MTA3: variants seen among roughly 807,000 people sequenced by gnomAD.
MTA3 encodes the protein metastasis-associated protein MTA3.
A neutral mutation model predicts 83.5 loss-of-function variants in MTA3; 34 were observed. The ratio of observed to expected loss-of-function variants is 0.41; its 90% CI spans 0.31 to 0.54. MTA3 has a LOEUF of 0.54. Ranked by LOEUF, MTA3 falls within the 20% of genes least tolerant of loss-of-function variation. The pLI is 0.33. For synonymous variants in MTA3, 303 were observed against 252.7 expected (o/e 1.20, Z -1.89); for missense variants, 761 against 726.4 (o/e 1.05, Z -0.55).
intron 4 of MTA3, among the ~76,000 whole-genome samples, chr2:42,621,538 C>G (rs987634958): frequency 1.3e-5 from 2 of 152,250 alleles, no homozygotes; most frequent in African/African-American, 4.8e-5. Flanking sequence ...TCTTTCTACA[C>G]AGACACAGCA....
rs1228685180 is a variant in MTA3 at position 42,606,244 on chromosome 2, ACT to A, written c.191-3210_191-3209del. 4.7e-5 allele frequency among the ~76,000 whole-genome samples: 6 copies of A among 128,126 alleles called. No homozygotes were observed. In the South Asian group the frequency reaches 7.8e-4, roughly 17 times the overall value. 84.1% of individuals were successfully genotyped at this position (128,126 alleles called of 152,430 possible). On this transcript the variant is annotated intron_variant, in intron 3 of 16. Transcript: ENST00000405094. ...CGGACGGGGTGGCTGCCGGGCGGAG[ACT>A]CTCCTCACTTCCCAGATGGGGTGGC...
At chr2:42,667,076 C>T (rs1372766394) in intron 8 of MTA3, among the ~76,000 whole-genome samples, 3 of 152,032 alleles carry the variant, frequency 2.0e-5, no homozygotes, top group Non-Finnish European at 2.9e-5. Context: ...CTGCCACATA[C>T]CCCTCATCCT....
At chr2:42,504,548 C>T (rs1238339516) in intron 2 of MTA3, among the ~76,000 whole-genome samples, 2 of 152,120 alleles carry the variant, frequency 1.3e-5, no homozygotes, top group African/African-American at 2.4e-5. Context: ...CCCCATGAAC[C>T]ACATTCTTAA....
intron 3 of MTA3, among the ~76,000 whole-genome samples, chr2:42,595,210 C>T (rs951190272): frequency 6.4e-5 from 9 of 140,258 alleles, no homozygotes; most frequent in South Asian, 2.3e-4. Flanking sequence ...CCCAGGTTCA[C>T]GCCATTCTCC....
At chr2:42,606,787 A>G (rs1254402515) in intron 3 of MTA3, among the ~76,000 whole-genome samples, 2 of 151,288 alleles carry the variant, frequency 1.3e-5, no homozygotes, top group African/African-American at 4.9e-5. Flanking sequence ...CAGCCTGGGC[A>G]CCATTGAGCA....
In MTA3 at chr2:42,580,666, G is replaced by T. The variant is rs142617932; in HGVS notation, c.190+1466G>T. On this transcript the variant is annotated intron_variant, in intron 3 of 16. Transcript: ENST00000405094. Reference sequence around the variant, plus strand: ...ATTACAGTGCAATGACATGATCTCAGCTCACTGTAACCTCTGCTTCCCAGC... The same window carrying T: ...ATTACAGTGCAATGACATGATCTCATCTCACTGTAACCTCTGCTTCCCAGC... 9.6e-4 allele frequency among the ~76,000 whole-genome samples: 146 copies of T among 152,194 alleles called. 1 individual carries two copies. Among genetic ancestry groups the T allele is most frequent in the Middle Eastern group, 3.4e-3 (1 of 294 alleles).
At chr2:42,692,565 C>T (rs1300268356) in intron 9 of MTA3, among the ~76,000 whole-genome samples, 2 of 152,036 alleles carry the variant, frequency 1.3e-5, no homozygotes, top group African/African-American at 2.4e-5. Context: ...GCTGCAATTA[C>T]AGACATGCAT....
chr2:42,645,113 T>C (rs1005032960), intron 6 of MTA3, among the ~76,000 whole-genome samples: 1 of 149,794 alleles, frequency 6.7e-6, no homozygotes, highest in Non-Finnish European at 1.5e-5. Context: ...GGAAAAGTTC[T>C]TGAAGGAAAT....
chr2:42,664,048 G>A (rs1365073414), intron 8 of MTA3, among the ~76,000 whole-genome samples: 1 of 152,134 alleles, frequency 6.6e-6, no homozygotes, highest in Non-Finnish European at 1.5e-5. Context: ...TTCCTCCTGA[G>A]TAGTTATCTC....
chr2:42,717,826 T>C (rs549562877), intron 14 of MTA3, among the ~76,000 whole-genome samples: 1 of 152,354 alleles, frequency 6.6e-6, no homozygotes, highest in South Asian at 2.1e-4. Context: ...GATGGCCAAG[T>C]ATGGCCCATC....
chr2:42,594,705 C>CATATATATATATATATATATATATAT (rs1167117095), intron 3 of MTA3, among the ~76,000 whole-genome samples: 12 of 46,510 alleles, frequency 2.6e-4, no homozygotes, highest in Admixed American at 1.3e-3. Context: ...TATAAATATA[C>CATATATATATATATATATATATATAT]ATATATATAT....
rs190340695 is a variant in MTA3, at chr2:42,672,752, G to A, written c.703-9649G>A. On this transcript the variant is annotated intron_variant, in intron 8 of 16. Coordinates refer to ENST00000405094, the MANE Select transcript of MTA3 (RefSeq NM_001330442.2). ...GTTGATTTGAGTGGATGCCAGCTAA[G>A]CCTTAGCAAGTTTGTTGGATGAGGG... Among the ~76,000 whole-genome samples the A allele has an allele frequency of 2.0e-5, 3 of 150,728 alleles. No homozygotes were observed. In the East Asian group the frequency reaches 5.8e-4, roughly 29 times the overall value.
chr2:42,519,286 C>T (rs1212295962), intron 2 of MTA3, among the ~76,000 whole-genome samples: 1 of 152,026 alleles, frequency 6.6e-6, no homozygotes, highest in African/African-American at 2.4e-5. Flanking sequence ...GATCAGTACT[C>T]CTCAAAACTG....
chr2:42,684,594 C>A (rs1692212759), intron 9 of MTA3, among the ~76,000 whole-genome samples: 2 of 152,098 alleles, frequency 1.3e-5, no homozygotes, highest in Non-Finnish European at 2.9e-5. Context: ...AGAGCTACAG[C>A]TACATAGAAA....
At chr2:42,691,655 AT>A (rs1180232508) in intron 9 of MTA3, among the ~76,000 whole-genome samples, 2 of 151,956 alleles carry the variant, frequency 1.3e-5, no homozygotes, top group African/African-American at 4.8e-5. Flanking sequence ...ACCAACATCT[AT>A]TTTTTTCTGA....
At chr2:42,505,893 C>T (rs376186451) in intron 2 of MTA3, among the ~76,000 whole-genome samples, 3 of 151,480 alleles carry the variant, frequency 2.0e-5, no homozygotes, top group Non-Finnish European at 2.9e-5. Flanking sequence ...CTCAGCCTCC[C>T]GAGTAGCTGG....
At chr2:42,706,505 C>G (rs1666095576) in intron 12 of MTA3, among the ~76,000 whole-genome samples, 1 of 152,156 alleles carries the variant, frequency 6.6e-6, no homozygotes, top group African/African-American at 2.4e-5. Flanking sequence ...TCTGTATTTT[C>G]TCTTTTTCAC....
intron 16 of MTA3, among the ~76,000 whole-genome samples, chr2:42,749,006 A>T (rs1225615357): frequency 6.6e-6 from 1 of 152,208 alleles, no homozygotes; most frequent in Non-Finnish European, 1.5e-5. Context: ...TTGAACTCCA[A>T]ATTCTGTCTT....
chr2:42,740,954 G>A (rs1668986737), intron 16 of MTA3, among the ~76,000 whole-genome samples: 1 of 152,252 alleles, frequency 6.6e-6, no homozygotes, highest in Non-Finnish European at 1.5e-5. Context: ...CTCTAGCTAT[G>A]AAAGTCCTAG....
Sources: gnomAD v4.1 joint callset for allele counts (sites outside exome capture counted in the v4.1 genomes callset) on GRCh38, gnomAD v4.1.1 for gene constraint, MANE v1.5 for transcripts, NCBI Gene and HGNC (gene_info 2026-07-23, HGNC 2026-07-21) for gene names.